KLF8: variants seen among roughly 807,000 people sequenced by gnomAD.
The protein encoded by KLF8 is KLF transcription factor 8, also known as Krueppel-like factor 8.
KLF8 carries 10 observed loss-of-function variants against 18.2 expected under a neutral mutation model. The ratio of observed to expected loss-of-function variants is 0.55; its 90% CI spans 0.34 to 0.93. The LOEUF (loss-of-function observed/expected upper bound fraction) is 0.93. KLF8 is among the 40% of genes least tolerant of loss of function. KLF8 has a pLI of 0.02. For missense variants in KLF8, 264 were observed against 277.9 expected (o/e 0.95, Z 0.36); for synonymous variants, 109 against 97.3 (o/e 1.12, Z -0.71).
the KLF8 span, among the ~76,000 whole-genome samples, chrX:56,133,711 G>C: frequency 3.6e-5 from 4 of 111,628 alleles, no homozygotes; most frequent in Non-Finnish European, 7.5e-5. Flanking sequence ...AATTGGTAAA[G>C]AGGAAATCAA....
the KLF8 span, among the ~76,000 whole-genome samples, chrX:56,186,745 T>C: frequency 8.9e-6 from 1 of 111,929 alleles, no homozygotes; most frequent in African/African-American, 3.2e-5. Context: ...CTCAACTACA[T>C]GGAAACTGAA....
chrX:55,989,650 G>C, the KLF8 span, among the ~76,000 whole-genome samples: 1 of 111,010 alleles, frequency 9.0e-6, no homozygotes, highest in Middle Eastern at 4.2e-3. Flanking sequence ...CGGGGATATT[G>C]GTCTAAAATT....
the KLF8 span, among the ~76,000 whole-genome samples, chrX:56,184,283 C>T: frequency 8.9e-6 from 1 of 112,237 alleles, no homozygotes; most frequent in Non-Finnish European, 1.9e-5. Flanking sequence ...GCACAGCAGT[C>T]TGAGATCAAA....
intron 5 of KLF8, among the ~76,000 whole-genome samples, chrX:56,278,446 C>T (rs907546804): frequency 1.8e-5 from 2 of 111,220 alleles, no homozygotes; most frequent in Non-Finnish European, 3.8e-5. Context: ...GAAATGTCAT[C>T]CATGAGCTAG....
intron 2 of KLF8, among the ~76,000 whole-genome samples, chrX:56,264,382 GT>G (rs1325873966): frequency 2.8e-5 from 3 of 107,027 alleles, no homozygotes; most frequent in East Asian, 5.8e-4. Flanking sequence ...GTATTTATTG[GT>G]TTTTTAAACT....
At chrX:56,034,629 T>A in the KLF8 span, among the ~76,000 whole-genome samples, 2 of 111,326 alleles carry the variant, frequency 1.8e-5, no homozygotes, top group Admixed American at 1.9e-4. Flanking sequence ...TCTCAAACAT[T>A]TATCATTTGT....
the KLF8 span, among the ~76,000 whole-genome samples, chrX:56,078,306 G>A: frequency 2.7e-5 from 3 of 111,831 alleles, no homozygotes; most frequent in Admixed American, 9.5e-5. Context: ...ATTATTTTGA[G>A]ATACATCCCA....
At chrX:56,268,812 T>C (rs3747284) in intron 3 of KLF8, 572,468 of 811,898 alleles carry the variant, frequency 0.71, 147,695 homozygotes, top group Non-Finnish European at 0.75. Context: ...TAATAAGGAA[T>C]ATTTGACAGC....
At chrX:56,011,750 A>T in the KLF8 span, among the ~76,000 whole-genome samples, 1 of 111,888 alleles carries the variant, frequency 8.9e-6, no homozygotes, top group South Asian at 3.7e-4. Flanking sequence ...TGAAATAGAC[A>T]CAATAAAAAA....
the KLF8 span, among the ~76,000 whole-genome samples, chrX:56,096,770 TA>T: frequency 2.7e-5 from 3 of 111,109 alleles, no homozygotes; most frequent in Non-Finnish European, 5.7e-5. Flanking sequence ...CAGGCTAATC[TA>T]AAAATGGAGA....
the KLF8 span, among the ~76,000 whole-genome samples, chrX:56,149,619 A>G: frequency 8.9e-6 from 1 of 112,018 alleles, no homozygotes; most frequent in Non-Finnish European, 1.9e-5. Context: ...AAAGAAATGC[A>G]AAAAAGCAAA....
At chrX:55,909,569 G>A in the KLF8 span, among the ~76,000 whole-genome samples, 2 of 112,400 alleles carry the variant, frequency 1.8e-5, no homozygotes, top group East Asian at 5.6e-4. Flanking sequence ...CTGATTAGTA[G>A]CCTTCCCAGG....
intron 5 of KLF8, among the ~76,000 whole-genome samples, chrX:56,274,595 A>G (rs1364055003): frequency 8.9e-6 from 1 of 112,148 alleles, no homozygotes; most frequent in African/African-American, 3.2e-5. Context: ...GCCCAGTTCA[A>G]TGTCCTGGAG....
the KLF8 span, among the ~76,000 whole-genome samples, chrX:55,939,436 A>G: frequency 8.9e-6 from 1 of 111,847 alleles, no homozygotes. Flanking sequence ...AAAGATCTAA[A>G]ATTGACACCC....
At chrX:55,945,776 A>G in the KLF8 span, among the ~76,000 whole-genome samples, 388 of 110,340 alleles carry the variant, frequency 3.5e-3, 3 homozygotes, top group African/African-American at 0.013. Context: ...AAGCTGATAA[A>G]CAACTTCAGC....
At chrX:56,077,539 C>T in the KLF8 span, among the ~76,000 whole-genome samples, 1 of 112,119 alleles carries the variant, frequency 8.9e-6, no homozygotes, top group South Asian at 3.7e-4. Context: ...GATTTGGTTA[C>T]TGTAGCCTTG....
intron 1 of KLF8, among the ~76,000 whole-genome samples, chrX:56,242,428 T>G (rs1228626253): frequency 8.9e-6 from 1 of 112,355 alleles, no homozygotes; most frequent in Non-Finnish European, 1.9e-5. Context: ...TCCTAAAAAC[T>G]TATATGGCTA....
At chrX:56,128,210 G>A in the KLF8 span, among the ~76,000 whole-genome samples, 1 of 112,212 alleles carries the variant, frequency 8.9e-6, no homozygotes, top group Non-Finnish European at 1.9e-5. Context: ...TGAATAGGAA[G>A]AGCATGTGAA....
chrX:56,183,371 G>A, the KLF8 span, among the ~76,000 whole-genome samples: 789 of 111,905 alleles, frequency 7.1e-3, 4 homozygotes, highest in Non-Finnish European at 0.012. Context: ...TGTCTATCGC[G>A]GCTCCCCTTG....
Sources: allele counts gnomAD v4.1 joint callset (sites outside exome capture counted in the v4.1 genomes callset), GRCh38; gene constraint gnomAD v4.1.1; transcripts MANE v1.5; gene names NCBI Gene and HGNC (gene_info 2026-07-23, HGNC 2026-07-21).